Variants in KCNK9 observed in about 807,000 individuals in gnomAD.
The protein encoded by KCNK9 is potassium channel subfamily K member 9.
In KCNK9, 1 loss-of-function variant was observed where a neutral mutation model predicts 10.8. The ratio of observed to expected loss-of-function variants is 0.09; its 90% CI spans 0.03 to 0.44. The LOEUF (loss-of-function observed/expected upper bound fraction) is 0.44, where lower values mean the gene tolerates loss of function less well. Ranked by LOEUF, KCNK9 falls within the 20% of genes least tolerant of loss-of-function variation. KCNK9 has a pLI of 0.97. For synonymous variants in KCNK9, 231 were observed against 222.7 expected (o/e 1.04, Z -0.33); for missense variants, 303 against 515.0 (o/e 0.59, Z 3.98).
intron 1 of KCNK9, among the ~76,000 whole-genome samples, chr8:139,647,077 CA>C (rs1213281376): frequency 1.3e-5 from 2 of 152,380 alleles, no homozygotes; most frequent in East Asian, 3.9e-4. Context: ...CTGTTGGCGG[CA>C]GGGGGCTCTG....
chr8:139,608,653 C>T (rs1429136164), downstream of KCNK9, among the ~76,000 whole-genome samples: 7 of 152,082 alleles, frequency 4.6e-5, no homozygotes, highest in African/African-American at 9.7e-5. Flanking sequence ...GGTGTACCTG[C>T]GCCCTCCAGC....
At chr8:139,659,109 G>A (rs1039981956) in intron 1 of KCNK9, among the ~76,000 whole-genome samples, 1 of 152,230 alleles carries the variant, frequency 6.6e-6, no homozygotes, top group African/African-American at 2.4e-5. Flanking sequence ...AGTCTTCGGG[G>A]CTTTGTGAGA....
In KCNK9 at chr8:139,701,056, G is replaced by C. The variant is rs190323328; in HGVS notation, c.283+1654C>G. On this transcript the variant is annotated intron_variant, in intron 1 of 1. Coordinates refer to ENST00000520439, the MANE Select transcript of KCNK9 (RefSeq NM_001282534.2). ...CTTTCCCCAGGGGTGGCCAGTTTCA[G>C]AGGCATATTTCTTACTCTCCAGCTC... Among the ~76,000 whole-genome samples, 34 of 152,296 alleles carry C rather than the reference G, an allele frequency of 2.2e-4. No individual in the cohort carries two copies. The East Asian group carries it at 6.4e-3, about 29-fold the overall frequency.
intron 2 of KCNK9, among the ~76,000 whole-genome samples, chr8:139,606,558 C>T (rs1450120721): frequency 6.6e-6 from 1 of 152,168 alleles, no homozygotes; most frequent in Non-Finnish European, 1.5e-5. Flanking sequence ...AGCTTAATTT[C>T]TTCTATGCCT....
rs912195720 is a variant in KCNK9 at position 139,677,083 on chromosome 8, C to T, written c.283+25627G>A. Among the ~76,000 whole-genome samples, 19 of 152,176 alleles carry T rather than the reference C, an allele frequency of 1.2e-4. No homozygotes were observed. In the East Asian group the frequency reaches 2.7e-3, roughly 22 times the overall value. On this transcript the variant is annotated intron_variant, in intron 1 of 1. Transcript: ENST00000520439. ...GGGCTGGCCAGTAGGCTGCAGAATG[C>T]ATGCACCTCCCCCAAAGGCAGCCCC...
chr8:139,635,414 C>T (rs1815308090), intron 1 of KCNK9, among the ~76,000 whole-genome samples: 1 of 152,184 alleles, frequency 6.6e-6, no homozygotes, highest in Non-Finnish European at 1.5e-5. Flanking sequence ...GGGACCAGGG[C>T]CGGAAGGAGG....
chr8:139,655,893 G>A (rs1290859625), intron 1 of KCNK9, among the ~76,000 whole-genome samples: 1 of 152,210 alleles, frequency 6.6e-6, no homozygotes, highest in Non-Finnish European at 1.5e-5. Context: ...ATGCTGTGGA[G>A]CCTTGGGAAT....
intron 1 of KCNK9, among the ~76,000 whole-genome samples, chr8:139,644,492 C>T (rs1485533188): frequency 6.6e-6 from 1 of 152,176 alleles, no homozygotes; most frequent in East Asian, 1.9e-4. Context: ...AGAGGTGGTT[C>T]AGGGTGGGCT....
intron 1 of KCNK9, among the ~76,000 whole-genome samples, chr8:139,699,211 A>C (rs1817138123): frequency 6.6e-6 from 1 of 152,172 alleles, no homozygotes; most frequent in Non-Finnish European, 1.5e-5. Flanking sequence ...GTTAGATTGG[A>C]GAAAGAAGTG....
intron 1 of KCNK9, among the ~76,000 whole-genome samples, chr8:139,673,291 G>A (rs1268469019): frequency 6.6e-6 from 1 of 152,182 alleles, no homozygotes; most frequent in Admixed American, 6.5e-5. Context: ...AGATGGCTGC[G>A]CATATCTGTG....
chr8:139,633,833 A>G (rs1390184492), intron 1 of KCNK9, among the ~76,000 whole-genome samples: 1 of 152,206 alleles, frequency 6.6e-6, no homozygotes, highest in East Asian at 1.9e-4. Flanking sequence ...GCGAGCGTGA[A>G]GACGACGACA....
At chr8:139,620,747 C>T (rs1814752134) in intron 1 of KCNK9, among the ~76,000 whole-genome samples, 2 of 152,178 alleles carry the variant, frequency 1.3e-5, no homozygotes, top group Admixed American at 6.5e-5. Flanking sequence ...CTCTGACACC[C>T]CTCTGAAACC....
intron 1 of KCNK9, among the ~76,000 whole-genome samples, chr8:139,638,380 G>A (rs1384716564): frequency 6.6e-6 from 1 of 152,194 alleles, no homozygotes; most frequent in Non-Finnish European, 1.5e-5. Flanking sequence ...CACCCAGCAG[G>A]TGCCAAATAC....
At chr8:139,644,252 C>A (rs1054221847) in intron 1 of KCNK9, among the ~76,000 whole-genome samples, 1 of 152,186 alleles carries the variant, frequency 6.6e-6, no homozygotes, top group African/African-American at 2.4e-5. Flanking sequence ...TGACCCAGAG[C>A]AAGAAATGTC....
At chr8:139,689,034 G>A (rs1816879707) in intron 1 of KCNK9, among the ~76,000 whole-genome samples, 1 of 152,038 alleles carries the variant, frequency 6.6e-6, no homozygotes, top group Admixed American at 6.6e-5. Flanking sequence ...CAATCTAACT[G>A]GTGTCCTTAT....
chr8:139,700,483 C>CAT (rs1163323872), intron 1 of KCNK9, among the ~76,000 whole-genome samples: 1 of 139,756 alleles, frequency 7.2e-6, no homozygotes, highest in South Asian at 2.2e-4. Context: ...TTCACATACA[C>CAT]ATACACACAC....
downstream of KCNK9, chr8:139,611,298 G>A (rs1814415453): frequency 6.6e-6 from 1 of 152,278 alleles, no homozygotes; most frequent in Admixed American, 6.5e-5. Flanking sequence ...ATTTAAAGGT[G>A]GGGAAACTGA....
intron 1 of KCNK9, among the ~76,000 whole-genome samples, chr8:139,695,439 G>A (rs1340307850): frequency 1.3e-5 from 2 of 152,220 alleles, no homozygotes; most frequent in African/African-American, 4.8e-5. Context: ...CCTACAGGCT[G>A]TTACAGAACA....
At chr8:139,652,514 T>C (rs560588154) in intron 1 of KCNK9, among the ~76,000 whole-genome samples, 23 of 152,186 alleles carry the variant, frequency 1.5e-4, no homozygotes, top group African/African-American at 5.3e-4. Context: ...TGCACCTGCA[T>C]CCCCTCCCTG....
Sources: gnomAD v4.1 joint callset for allele counts (sites outside exome capture counted in the v4.1 genomes callset) on GRCh38, gnomAD v4.1.1 for gene constraint, MANE v1.5 for transcripts, NCBI Gene and HGNC (gene_info 2026-07-23, HGNC 2026-07-21) for gene names.